RNLS: variants seen among roughly 807,000 people sequenced by gnomAD.
RNLS encodes renalase, FAD dependent amine oxidase.
A neutral mutation model predicts 39.8 loss-of-function variants in RNLS; 39 were observed. The observed-to-expected ratio is 0.98, with a 90% CI of 0.76 to 1.28. RNLS has a LOEUF of 1.28. RNLS is among the 50% of genes most tolerant of loss of function. The pLI, the probability that RNLS is intolerant of heterozygous loss-of-function variation, is 0.00. For missense variants in RNLS, 410 were observed against 413.3 expected (o/e 0.99, Z 0.07); for synonymous variants, 147 against 150.7 (o/e 0.98, Z 0.18).
chr10:88,325,479 A>G (rs1292211505), intron 5 of RNLS, among the ~76,000 whole-genome samples: 1 of 152,198 alleles, frequency 6.6e-6, no homozygotes, highest in Non-Finnish European at 1.5e-5. Flanking sequence ...ATAGAGCACT[A>G]AGATTTAGAA....
At chr10:88,197,048 C>A in the RNLS span, among the ~76,000 whole-genome samples, 19 of 152,264 alleles carry the variant, frequency 1.2e-4, no homozygotes, top group Non-Finnish European at 1.8e-4. Context: ...TTGTCCATGG[C>A]ATTGAGCTTG....
chr10:88,514,609 T>A (rs966899979), intron 4 of RNLS, among the ~76,000 whole-genome samples: 1 of 152,096 alleles, frequency 6.6e-6, no homozygotes, highest in Non-Finnish European at 1.5e-5. Flanking sequence ...AATTCTACTC[T>A]CTGTTTTCTT....
At chr10:88,265,859 G>C in the RNLS span, among the ~76,000 whole-genome samples, 3 of 152,178 alleles carry the variant, frequency 2.0e-5, no homozygotes, top group Non-Finnish European at 2.9e-5. Context: ...TGAGTAATAG[G>C]AGGGTCTGAG....
the RNLS span, among the ~76,000 whole-genome samples, chr10:88,181,213 C>A: frequency 6.6e-6 from 1 of 152,226 alleles, no homozygotes; most frequent in Middle Eastern, 3.4e-3. Flanking sequence ...GGACTGGCCC[C>A]ATCATAAGCC....
chr10:88,196,646 T>C, the RNLS span, among the ~76,000 whole-genome samples: 13 of 152,086 alleles, frequency 8.5e-5, no homozygotes, highest in Admixed American at 8.5e-4. Flanking sequence ...GAGGAATACA[T>C]AAAGAACCCA....
chr10:88,234,049 A>G, the RNLS span, among the ~76,000 whole-genome samples: 2 of 147,940 alleles, frequency 1.4e-5, no homozygotes, highest in African/African-American at 2.5e-5. Flanking sequence ...CGCATCCCAC[A>G]GAGGAAGTGG....
At chr10:88,440,868 C>A (rs998695106) in intron 4 of RNLS, among the ~76,000 whole-genome samples, 2 of 152,130 alleles carry the variant, frequency 1.3e-5, no homozygotes, top group African/African-American at 2.4e-5. Context: ...CCTTAGTCTG[C>A]TGAGATGCTT....
chr10:88,211,838 G>T, the RNLS span, among the ~76,000 whole-genome samples: 1 of 152,114 alleles, frequency 6.6e-6, no homozygotes, highest in African/African-American at 2.4e-5. Flanking sequence ...GATAAGATTT[G>T]CCTTTTTAAA....
chr10:88,336,679 A>G (rs1407939779), intron 5 of RNLS, among the ~76,000 whole-genome samples: 2 of 152,236 alleles, frequency 1.3e-5, no homozygotes, highest in Non-Finnish European at 2.9e-5. Context: ...CAGCTGAGAA[A>G]GTAAATGATA....
chr10:88,409,943 A>T (rs1853552633), intron 4 of RNLS, among the ~76,000 whole-genome samples: 1 of 152,142 alleles, frequency 6.6e-6, no homozygotes, highest in South Asian at 2.1e-4. Flanking sequence ...CAAATACTTT[A>T]GGCATTGTGG....
At chr10:88,414,589 A>G (rs1853900854) in intron 4 of RNLS, among the ~76,000 whole-genome samples, 1 of 152,206 alleles carries the variant, frequency 6.6e-6, no homozygotes, top group Non-Finnish European at 1.5e-5. Flanking sequence ...GAAAAATTGC[A>G]AAAGCAGAAA....
chr10:88,482,065 C>T (rs1244059083), intron 4 of RNLS, among the ~76,000 whole-genome samples: 2 of 151,890 alleles, frequency 1.3e-5, no homozygotes, highest in Admixed American at 1.3e-4. Context: ...TTATCTCTTG[C>T]TGCTTTCAAG....
intron 4 of RNLS, among the ~76,000 whole-genome samples, chr10:88,452,732 C>T (rs555931096): frequency 6.6e-6 from 1 of 152,226 alleles, no homozygotes; most frequent in African/African-American, 2.4e-5. Context: ...TGAGACAAGA[C>T]CCAGGAAGTG....
chr10:88,493,691 T>A (rs1845009313), intron 4 of RNLS, among the ~76,000 whole-genome samples: 2 of 152,132 alleles, frequency 1.3e-5, no homozygotes, highest in South Asian at 4.1e-4. Context: ...GAATACAGTT[T>A]CCCTTCCATT....
At chr10:88,242,913 C>T in the RNLS span, among the ~76,000 whole-genome samples, 1 of 152,002 alleles carries the variant, frequency 6.6e-6, no homozygotes, top group Non-Finnish European at 1.5e-5. Flanking sequence ...TGCCATTGCA[C>T]TCCAGCCTGG....
At chr10:88,515,847 A>G (rs991974851) in intron 4 of RNLS, among the ~76,000 whole-genome samples, 2 of 152,016 alleles carry the variant, frequency 1.3e-5, no homozygotes, top group African/African-American at 4.8e-5. Flanking sequence ...TCATGTGTTG[A>G]AGCCCTAACC....
chr10:88,252,023 GT>G, the RNLS span, among the ~76,000 whole-genome samples: 54 of 152,190 alleles, frequency 3.5e-4, no homozygotes, highest in South Asian at 8.3e-4. Context: ...CTCGTTCCAA[GT>G]AGCCATTCCT....
At chr10:88,306,983 A>G (rs762204072) in intron 6 of RNLS, among the ~76,000 whole-genome samples, 2 of 152,170 alleles carry the variant, frequency 1.3e-5, no homozygotes, top group Non-Finnish European at 2.9e-5. Flanking sequence ...ATGATCAAGT[A>G]GGCTTTATCC....
intron 4 of RNLS, among the ~76,000 whole-genome samples, chr10:88,564,316 TACACACACACAC>T (rs5786827): frequency 3.4e-5 from 5 of 148,922 alleles, no homozygotes; most frequent in South Asian, 2.1e-4. Flanking sequence ...TGACTGCAAA[TACACACACACAC>T]ACACACACAC....
Sources: allele counts gnomAD v4.1 joint callset (sites outside exome capture counted in the v4.1 genomes callset), GRCh38; gene constraint gnomAD v4.1.1; transcripts MANE v1.5; gene names NCBI Gene and HGNC (gene_info 2026-07-23, HGNC 2026-07-21).